HS6ST3: variants seen among roughly 807,000 people sequenced by gnomAD.
HS6ST3 encodes the protein heparan sulfate 6-O-sulfotransferase 3.
In HS6ST3, 12 loss-of-function variants were observed where a neutral mutation model predicts 36.7. The ratio of observed to expected loss-of-function variants is 0.33; its 90% CI spans 0.21 to 0.53. HS6ST3 has a LOEUF of 0.53. Among genes scored for constraint, HS6ST3 ranks in the 20% least tolerant of loss-of-function variants. The pLI is 0.95. For missense variants in HS6ST3, 584 were observed against 640.9 expected, an observed-to-expected ratio of 0.91 and a Z score of 0.96; for synonymous variants, 240 against 257.5, an observed-to-expected ratio of 0.93 and a Z score of 0.65.
At chr13:96,253,889 CTT>C (rs2054619170) in intron 1 of HS6ST3, among the ~76,000 whole-genome samples, 1 of 152,126 alleles carries the variant, frequency 6.6e-6, no homozygotes, top group Admixed American at 6.5e-5. Flanking sequence ...TAAGGCAAGA[CTT>C]TGCAAAAAGA....
At chr13:96,778,946 A>T (rs929945421) in intron 1 of HS6ST3, among the ~76,000 whole-genome samples, 2 of 152,180 alleles carry the variant, frequency 1.3e-5, no homozygotes, top group African/African-American at 4.8e-5. Context: ...TAGACTGGAT[A>T]AAGAAAATGT....
At chr13:96,581,124 AT>A (rs577343988) in intron 1 of HS6ST3, among the ~76,000 whole-genome samples, 18 of 152,318 alleles carry the variant, frequency 1.2e-4, no homozygotes, top group African/African-American at 4.3e-4. Context: ...GTTTCAAACC[AT>A]ACTAGTATAC....
chr13:96,720,623 G>A (rs976902534), intron 1 of HS6ST3, among the ~76,000 whole-genome samples: 1 of 152,106 alleles, frequency 6.6e-6, no homozygotes, highest in Non-Finnish European at 1.5e-5. Context: ...TCCTGATAAC[G>A]CATTTTGTTG....
intron 1 of HS6ST3, among the ~76,000 whole-genome samples, chr13:96,565,464 T>C (rs2056277817): frequency 6.6e-6 from 1 of 151,984 alleles, no homozygotes; most frequent in Non-Finnish European, 1.5e-5. Flanking sequence ...ATTTTCCTAC[T>C]CCATGGCAGT....
chr13:96,769,467 C>T (rs1338493920), intron 1 of HS6ST3, among the ~76,000 whole-genome samples: 2 of 119,044 alleles, frequency 1.7e-5, no homozygotes. Flanking sequence ...CCCCCACATT[C>T]CTGACTTTAA....
At chr13:96,118,671 T>G (rs2053907497) in intron 1 of HS6ST3, among the ~76,000 whole-genome samples, 1 of 19,734 alleles carries the variant, frequency 5.1e-5, no homozygotes, top group African/African-American at 2.2e-4. Flanking sequence ...TATATATATA[T>G]ATATATATAT....
At chr13:96,824,832 T>C (rs1204636248) in intron 1 of HS6ST3, among the ~76,000 whole-genome samples, 1 of 152,216 alleles carries the variant, frequency 6.6e-6, no homozygotes, top group Non-Finnish European at 1.5e-5. Flanking sequence ...TGATAAATGC[T>C]ATATATTTAT....
intron 1 of HS6ST3, among the ~76,000 whole-genome samples, chr13:96,397,158 G>T (rs1028806536): frequency 6.6e-6 from 1 of 152,112 alleles, no homozygotes; most frequent in Non-Finnish European, 1.5e-5. Flanking sequence ...AGCGGAGATC[G>T]CCCCACTGCA....
At chr13:96,368,121 T>A (rs2055272215) in intron 1 of HS6ST3, among the ~76,000 whole-genome samples, 1 of 152,216 alleles carries the variant, frequency 6.6e-6, no homozygotes, top group African/African-American at 2.4e-5. Context: ...AACGCCTTTA[T>A]TGCTTTTCTC....
At chr13:96,307,623 T>A (rs2054920298) in intron 1 of HS6ST3, among the ~76,000 whole-genome samples, 1 of 152,120 alleles carries the variant, frequency 6.6e-6, no homozygotes, top group Admixed American at 6.6e-5. Context: ...TTTGAGTTAT[T>A]TAAAAATTCT....
intron 1 of HS6ST3, among the ~76,000 whole-genome samples, chr13:96,104,931 T>C (rs147317676): frequency 1.3e-5 from 2 of 152,232 alleles, no homozygotes; most frequent in South Asian, 2.1e-4. Flanking sequence ...CTTGTCTTAC[T>C]GTACTTGCCT....
chr13:96,128,897 G>T (rs1438407041), intron 1 of HS6ST3, among the ~76,000 whole-genome samples: 1 of 150,846 alleles, frequency 6.6e-6, no homozygotes, highest in African/African-American at 2.5e-5. Flanking sequence ...CCAGACTGGA[G>T]TGCATTGGGG....
rs531875268 is a variant in HS6ST3 at position 96,091,581 on chromosome 13, C to A, written c.707+12C>A. The A allele has an allele frequency of 2.6e-6, 4 of 1,553,536 alleles. No homozygotes were observed. The South Asian group carries it at 4.7e-5, about 18-fold the overall frequency. On this transcript the variant is annotated intron_variant, in intron 1 of 1. Transcript: ENST00000376705. ...CACAGCCACACCAGGTACTGTCGCC[C>A]GCTGGGTCTCTGTTCTTCCCCCCCA... is the stretch of plus-strand genomic sequence containing the variant.
At chr13:96,164,116 G>A (rs2054150020) in intron 1 of HS6ST3, among the ~76,000 whole-genome samples, 1 of 152,012 alleles carries the variant, frequency 6.6e-6, no homozygotes, top group Non-Finnish European at 1.5e-5. Context: ...TGGGATTAGG[G>A]TTTCTGCTCA....
chr13:96,302,482 C>G (rs568550408), intron 1 of HS6ST3, among the ~76,000 whole-genome samples: 11 of 152,084 alleles, frequency 7.2e-5, no homozygotes, highest in African/African-American at 1.9e-4. Flanking sequence ...TTATTTATAA[C>G]TCTTTATCTA....
At chr13:96,816,050 A>T (rs1007317626) in intron 1 of HS6ST3, among the ~76,000 whole-genome samples, 31 of 152,134 alleles carry the variant, frequency 2.0e-4, no homozygotes, top group Non-Finnish European at 2.9e-5. Flanking sequence ...AAATCCCCAG[A>T]TCGTGGCTGC....
Position 96,751,551 on chromosome 13 carries a change from T to C in HS6ST3, c.708-80939T>C, listed in dbSNP as rs188686832. ...TTTCTGTTGTTTTAAGCCACCAAGTTTGCAGTAATTTGTTATGGCAGTCCT... is the reference window on the plus strand; with the variant it reads ...TTTCTGTTGTTTTAAGCCACCAAGTCTGCAGTAATTTGTTATGGCAGTCCT... On this transcript the variant is annotated intron_variant, in intron 1 of 1. Transcript: ENST00000376705. 3.3e-5 allele frequency among the ~76,000 whole-genome samples: 5 copies of C among 152,272 alleles called. No homozygotes were observed. In the East Asian group the frequency reaches 9.6e-4, roughly 29 times the overall value.
chr13:96,270,002 G>T lies in HS6ST3; in HGVS notation c.707+178433G>T, dbSNP rs1484388622. 5.9e-5 allele frequency among the ~76,000 whole-genome samples: 9 copies of T among 151,868 alleles called. 1 individual carries two copies. Among genetic ancestry groups the T allele is most frequent in the African/African-American group, 2.2e-4 (9 of 41,254 alleles). ...AAGACTTATCAGAATGCAGCCAAGGGCAACCAAACTGTCCTTTGGTCAGCC... is the reference window on the plus strand; with the variant it reads ...AAGACTTATCAGAATGCAGCCAAGGTCAACCAAACTGTCCTTTGGTCAGCC... On this transcript the variant is annotated intron_variant, in intron 1 of 1. Transcript: ENST00000376705.
intron 1 of HS6ST3, among the ~76,000 whole-genome samples, chr13:96,410,248 T>C (rs922183855): frequency 6.6e-6 from 1 of 152,110 alleles, no homozygotes; most frequent in African/African-American, 2.4e-5. Flanking sequence ...TTAAGATCCA[T>C]GATATAATGT....
Sources: allele counts gnomAD v4.1 joint callset (sites outside exome capture counted in the v4.1 genomes callset), GRCh38; gene constraint gnomAD v4.1.1; transcripts MANE v1.5; gene names NCBI Gene and HGNC (gene_info 2026-07-23, HGNC 2026-07-21).